The following UNC5B variants were observed in gnomAD, a reference collection of about 807,000 sequenced individuals.
UNC5B encodes the protein unc-5 netrin receptor B, also known as netrin receptor UNC5B.
In UNC5B, 56 loss-of-function variants were observed where a neutral mutation model predicts 103.7. The observed-to-expected ratio is 0.54, with a 90% CI of 0.44 to 0.67. UNC5B has a LOEUF of 0.67. Among genes scored for constraint, UNC5B ranks in the 30% least tolerant of loss-of-function variants. The probability of loss-of-function intolerance (pLI) is 0.00; values close to 1 mark genes in which losing one functional copy is unlikely to be tolerated. For synonymous variants in UNC5B, 577 were observed against 542.0 expected (o/e 1.06, Z -0.90); for missense variants, 1,194 against 1,284.5 (o/e 0.93, Z 1.08).
chr10:71,224,364 G>GACGCACACACAC lies in UNC5B; in HGVS notation c.79+11302_79+11303insGCACACACACAC, dbSNP rs1197780490. Among the ~76,000 whole-genome samples the GACGCACACACAC allele has an allele frequency of 3.4e-3, 334 of 97,344 alleles. 20 individuals carry two copies. Among genetic ancestry groups the GACGCACACACAC allele is most frequent in the Middle Eastern group, 0.015 (3 of 196 alleles). The allele number at this position is 97,344 out of a possible 152,430, so 63.9% of individuals were successfully genotyped here. Reference sequence around the variant, plus strand: ...CTGGTCCATCCCACTTCTGTATGTAGACACACACACACACACACACACACA... The same window carrying GACGCACACACAC: ...CTGGTCCATCCCACTTCTGTATGTAGACGCACACACACACACACACACACACACACACACACA... On this transcript the variant is annotated intron_variant, in intron 1 of 16. Coordinates refer to ENST00000335350, the MANE Select transcript of UNC5B (RefSeq NM_170744.5).
intron 5 of UNC5B, 31 bp downstream of exon 5, chr10:71,286,900 C>T (rs1166174019): frequency 2.5e-6 from 4 of 1,606,838 alleles, no homozygotes; most frequent in Non-Finnish European, 3.4e-6. Flanking sequence ...GAGGGGCAGA[C>T]ACGGCCAAGG....
intron 13 of UNC5B, among the ~76,000 whole-genome samples, chr10:71,295,496 T>C (rs1161762499): frequency 6.6e-6 from 1 of 152,194 alleles, no homozygotes; most frequent in Non-Finnish European, 1.5e-5. Flanking sequence ...CATATACCCA[T>C]CCTTGTATAT....
chr10:71,288,426 C>T, intron 6 of UNC5B, 142 bp from the exon 7 acceptor site: 1 of 1,255,796 alleles, frequency 8.0e-7, no homozygotes, highest in Non-Finnish European at 1.1e-6. Flanking sequence ...CTCTGTGTGG[C>T]ACACATGTGT....
chr10:71,285,697 T>C (rs1013253987), intron 4 of UNC5B, among the ~76,000 whole-genome samples: 3 of 152,154 alleles, frequency 2.0e-5, no homozygotes, highest in African/African-American at 4.8e-5. Flanking sequence ...GCTCCTTAGG[T>C]AGACCTCCAG....
intron 8 of UNC5B, among the ~76,000 whole-genome samples, chr10:71,289,250 A>G (rs138722504): frequency 1.3e-5 from 2 of 152,234 alleles, no homozygotes; most frequent in African/African-American, 4.8e-5. Flanking sequence ...AGTCACAGAG[A>G]GAGGAAGGGA....
At chr10:71,247,673 G>C (rs1389211408) in intron 1 of UNC5B, among the ~76,000 whole-genome samples, 2 of 152,208 alleles carry the variant, frequency 1.3e-5, no homozygotes, top group Non-Finnish European at 2.9e-5. Context: ...CCAGGCCCCA[G>C]CATGGATGTG....
chr10:71,221,899 A>T (rs1165717135), intron 1 of UNC5B, among the ~76,000 whole-genome samples: 1 of 152,218 alleles, frequency 6.6e-6, no homozygotes, highest in Non-Finnish European at 1.5e-5. Flanking sequence ...GGGAGTAGTA[A>T]CAGCACCAAT....
chr10:71,231,232 T>G (rs1366403857), intron 1 of UNC5B, among the ~76,000 whole-genome samples: 2 of 152,228 alleles, frequency 1.3e-5, no homozygotes, highest in Non-Finnish European at 2.9e-5. Context: ...AAGCATTTCC[T>G]GCTGGGCACC....
At position 71,292,564 on chromosome 10, in the gene UNC5B, G is replaced by T; in HGVS notation, c.1772+10G>T. The T allele has an allele frequency of 6.3e-6, 10 of 1,588,880 alleles. No individual in the cohort carries two copies. Among genetic ancestry groups the T allele is most frequent in the Non-Finnish European group, 8.6e-6 (10 of 1,166,916 alleles). The stretch of plus-strand genomic sequence containing the variant: ...AGGCAGAAAGTACCCTGTGAGTAGA[G>T]CCCCAGCCGCTGCTCCTTTTTCTTC... On this transcript the variant is annotated intron_variant, in intron 11 of 16. Coordinates refer to ENST00000335350, the MANE Select transcript of UNC5B (RefSeq NM_170744.5).
intron 1 of UNC5B, among the ~76,000 whole-genome samples, chr10:71,224,130 C>T (rs533450673): frequency 1.1e-4 from 16 of 152,338 alleles, no homozygotes; most frequent in African/African-American, 2.6e-4. Flanking sequence ...TCCTCCCTGG[C>T]AGCCCAGGAA....
At position 71,213,709 on chromosome 10, in the gene UNC5B, A is replaced by ATT; in HGVS notation, c.79+645_79+646insTT. Among the ~76,000 whole-genome samples, 1 of 121,926 alleles carries ATT rather than the reference A, an allele frequency of 8.2e-6. No homozygotes were observed. Among genetic ancestry groups the ATT allele is most frequent in the African/African-American group, 3.3e-5 (1 of 29,944 alleles). 80.0% of individuals were successfully genotyped at this position (121,926 alleles called of 152,430 possible). ...TATTATTATTATTATTATTATTATT[A>ATT]ATTTTCTGAGTGTTGGAGAGTGTGT... On this transcript the variant is annotated intron_variant, in intron 1 of 16. Coordinates refer to ENST00000335350, the MANE Select transcript of UNC5B (RefSeq NM_170744.5). The surrounding 1 kb of genome is among the most constrained non-coding windows in gnomAD (Gnocchi z 4.1).
In UNC5B at chr10:71,291,485, G is replaced by A. The variant is rs1411403890; in HGVS notation, c.1348G>A (p.Gly450Ser). The change falls in exon 10 of 17, where the codon GGC (glycine) becomes AGC (serine). Residue 450 changes from glycine to serine, a missense_variant. By Grantham distance (56) the Gly-to-Ser change is moderately conservative. Transcript: ENST00000335350. The part of the protein sequence containing the change: ...SVPPDLTASA[G>S]IYRGPVYALQ... ...GCCTCCTGACCTGACAGCCAGCGCC[G>A]GCATCTACCGCGGACCCGTGTATGC... is the stretch of plus-strand genomic sequence containing the variant. 8.7e-6 allele frequency: 14 copies of A among 1,613,948 alleles called. No homozygotes were observed. The highest frequency in any genetic ancestry group is 2.2e-5 in the East Asian group (1 of 44,874).
chr10:71,240,265 G>A (rs1227238253), intron 1 of UNC5B, among the ~76,000 whole-genome samples: 2 of 152,238 alleles, frequency 1.3e-5, no homozygotes, highest in African/African-American at 4.8e-5. Context: ...GTTGGTGTCC[G>A]GCCCAAATCT....
chr10:71,286,904 G>A lies in UNC5B; in HGVS notation c.733+35G>A, dbSNP rs536088726. ...TTTCGGAGTGGGAGGGGCAGACACG[G>A]CCAAGGGAGGGAGGAGAGAGCCTGG... is the stretch of plus-strand genomic sequence containing the variant. On this transcript the variant is annotated intron_variant, in intron 5 of 16. Coordinates refer to ENST00000335350, the MANE Select transcript of UNC5B (RefSeq NM_170744.5). The A allele has an allele frequency of 1.1e-4, 182 of 1,604,222 alleles. 1 individual carries two copies. The South Asian group carries it at 1.8e-3, about 16-fold the overall frequency.
intron 14 of UNC5B, 25 bp downstream of exon 14, chr10:71,295,985 G>A (rs778966213): frequency 3.1e-6 from 5 of 1,612,178 alleles, no homozygotes; most frequent in Non-Finnish European, 3.4e-6. Context: ...GATGGATGGG[G>A]AGGGGCACCA....
rs572670702 is a variant in UNC5B at position 71,286,936 on chromosome 10, G to T, written c.733+67G>T. 3 of 1,574,016 alleles carry T rather than the reference G, an allele frequency of 1.9e-6. No individual in the cohort carries two copies. In the East Asian group the frequency reaches 6.7e-5, roughly 35 times the overall value. On this transcript the variant is annotated intron_variant, in intron 5 of 16. Coordinates refer to ENST00000335350, the MANE Select transcript of UNC5B (RefSeq NM_170744.5). ...GAGGGAGGAGAGAGCCTGGGGGTAG[G>T]GGGGACCCCTGGATTGGTAGGGAGG...
intron 1 of UNC5B, among the ~76,000 whole-genome samples, chr10:71,273,698 C>T (rs1201996130): frequency 6.6e-6 from 1 of 152,214 alleles, no homozygotes; most frequent in Non-Finnish European, 1.5e-5. Context: ...GTCCGACAAG[C>T]TCCACTCCAC....
In UNC5B at chr10:71,291,763, G is replaced by T; in HGVS notation, c.1626G>T (p.Gly542=). The T allele has an allele frequency of 6.2e-7, 1 of 1,609,310 alleles. No individual in the cohort carries two copies. The stretch of plus-strand genomic sequence containing the variant: ...TCTTGGGCCTGCCCCGAGACCCAGG[G>T]AGCAGCGTCAGCGGCACCTTTGGCT... ...QQLLGLPRDP[G]SSVSGTFGCL... The change falls in exon 10 of 17, where the codon GGG becomes GGT. Residue 542 remains glycine, a synonymous_variant. Coordinates refer to ENST00000335350, the MANE Select transcript of UNC5B (RefSeq NM_170744.5).
intron 1 of UNC5B, among the ~76,000 whole-genome samples, chr10:71,234,619 C>T (rs575692833): frequency 6.6e-6 from 1 of 152,362 alleles, no homozygotes; most frequent in Non-Finnish European, 1.5e-5. Flanking sequence ...TTGCAAGGCA[C>T]TTTCTAGATG....
Sources: gnomAD v4.1 joint callset for allele counts (sites outside exome capture counted in the v4.1 genomes callset) on GRCh38, gnomAD v4.1.1 for gene constraint, Gnocchi (gnomAD v3.1) non-coding constraint, MANE v1.5 for transcripts, NCBI Gene and HGNC (gene_info 2026-07-23, HGNC 2026-07-21) for gene names.